The following SLC2A5 variants were observed in gnomAD, a reference collection of about 807,000 sequenced individuals.
SLC2A5 encodes the protein solute carrier family 2, facilitated glucose transporter member 5.
In SLC2A5, 56 loss-of-function variants were observed where a neutral mutation model predicts 50.3. The observed-to-expected ratio is 1.11, with a 90% CI of 0.90 to 1.39. The LOEUF (loss-of-function observed/expected upper bound fraction) is 1.39, where lower values mean the gene tolerates loss of function less well. SLC2A5 is among the 40% of genes most tolerant of loss of function. The pLI, the probability that SLC2A5 is intolerant of heterozygous loss-of-function variation, is 0.00. For missense variants in SLC2A5, 566 were observed against 650.1 expected (o/e 0.87, Z 1.41); for synonymous variants, 269 against 281.9 (o/e 0.95, Z 0.46).
In SLC2A5 at chr1:9,083,650, C is replaced by T. The variant is rs147758458; in HGVS notation, c.-59+1364G>A. Among the ~76,000 whole-genome samples the T allele has an allele frequency of 6.3e-4, 96 of 151,874 alleles. No individual in the cohort carries two copies. The East Asian group carries it at 0.015, about 23-fold the overall frequency. ...CCGGCCTGGCCAAAATGGTGAAACC[C>T]CATCTCTGCTAATAATACAAAAAAA... On this transcript the variant is annotated intron_variant, in intron 2 of 5. Transcript: ENST00000464985.
intron 1 of SLC2A5, among the ~76,000 whole-genome samples, chr1:9,058,879 T>G (rs1641829437): frequency 6.6e-6 from 1 of 152,188 alleles, no homozygotes; most frequent in South Asian, 2.1e-4. Context: ...TGGAAAGAGC[T>G]GCGGGCTTAA....
chr1:9,079,073 C>A (rs111643249), intron 2 of SLC2A5, among the ~76,000 whole-genome samples: 1 of 152,280 alleles, frequency 6.6e-6, no homozygotes, highest in South Asian at 2.1e-4. Flanking sequence ...AAAAGCCACA[C>A]CCCACCTTGG....
chr1:9,080,025 C>G (rs1378152334), intron 2 of SLC2A5, among the ~76,000 whole-genome samples: 1 of 152,198 alleles, frequency 6.6e-6, no homozygotes. Flanking sequence ...CGAATTTGGG[C>G]ACTCACAATA....
intron 3 of SLC2A5, among the ~76,000 whole-genome samples, chr1:9,048,810 C>A (rs932860452): frequency 2.0e-5 from 3 of 151,970 alleles, no homozygotes; most frequent in Non-Finnish European, 2.9e-5. Context: ...CACGTGCCCC[C>A]ACACCCAGCT....
upstream of SLC2A5, among the ~76,000 whole-genome samples, chr1:9,092,156 A>G (rs1228929426): frequency 2.6e-5 from 4 of 152,200 alleles, no homozygotes; most frequent in African/African-American, 9.7e-5. Context: ...TTAGGGAACA[A>G]TGAGGCTGAC....
intron 3 of SLC2A5, among the ~76,000 whole-genome samples, chr1:9,050,277 C>T (rs1399828981): frequency 7.2e-6 from 1 of 139,728 alleles, no homozygotes; most frequent in African/African-American, 2.7e-5. Flanking sequence ...GACTCTGTCT[C>T]AAAAAAAAAA....
Position 9,069,516 on chromosome 1 carries a change from G to C in SLC2A5, c.21C>G (p.Ser7Arg). MEQQDQSMKEGRLTLVL... is the reference protein window; with the variant it reads MEQQDQRMKEGRLTLVL... ...GCAACACACTCACCCCTTCCTTCAT[G>C]CTCTGATCCTGTTGCTCCATGCTTG... The change falls in exon 1 of 12, where the codon AGC (serine) becomes AGG (arginine). Residue 7 changes from serine (S) to arginine (R), a missense_variant. By Grantham distance (110) the Ser-to-Arg change is moderately radical (BLOSUM62 -1). Transcript: ENST00000377424. 6.2e-7 allele frequency: 1 copy of C among 1,614,008 alleles called. No individual in the cohort carries two copies. Among genetic ancestry groups the C allele is most frequent in the Non-Finnish European group, 8.5e-7 (1 of 1,180,004 alleles).
chr1:9,039,502 G>T, intron 8 of SLC2A5, 50 bp downstream of exon 8: 1 of 1,380,260 alleles, frequency 7.2e-7, no homozygotes, highest in Non-Finnish European at 9.9e-7. Flanking sequence ...TGGGGCGTGG[G>T]GCCCGAGGGG....
chr1:9,073,897 TG>T (rs1195495093), upstream of SLC2A5, among the ~76,000 whole-genome samples: 1 of 152,146 alleles, frequency 6.6e-6, no homozygotes, highest in African/African-American at 2.4e-5. Context: ...CTGGCCAACA[TG>T]GTGAAACCCG....
At chr1:9,055,185 A>G (rs757884655) in intron 3 of SLC2A5, among the ~76,000 whole-genome samples, 24 of 152,064 alleles carry the variant, frequency 1.6e-4, no homozygotes, top group Admixed American at 2.0e-4. Flanking sequence ...TGGGTAAGTT[A>G]CAGTGTCTCT....
chr1:9,043,333 T>C (rs1322751161), intron 4 of SLC2A5, among the ~76,000 whole-genome samples: 5 of 152,124 alleles, frequency 3.3e-5, no homozygotes, highest in Admixed American at 2.0e-4. Flanking sequence ...ATGTCTCTGC[T>C]CAGTATTTGA....
At chr1:9,085,572 G>A (rs941879744) in intron 1 of SLC2A5, among the ~76,000 whole-genome samples, 2 of 152,320 alleles carry the variant, frequency 1.3e-5, no homozygotes, top group African/African-American at 4.8e-5. Context: ...CAGCCTTAAA[G>A]TCTGTGTCAC....
At chr1:9,051,049 A>G (rs879416689) in intron 3 of SLC2A5, among the ~76,000 whole-genome samples, 6 of 152,184 alleles carry the variant, frequency 3.9e-5, no homozygotes, top group Non-Finnish European at 7.3e-5. Flanking sequence ...TCAATTCACA[A>G]AGAACAAGCT....
chr1:9,040,106 A>G lies in SLC2A5; in HGVS notation c.655T>C (p.Tyr219His). 16 of 1,602,264 alleles carry G rather than the reference A, an allele frequency of 1.0e-5. No individual in the cohort carries two copies. Among genetic ancestry groups the G allele is most frequent in the Non-Finnish European group, 1.4e-5 (16 of 1,174,256 alleles). The change falls in exon 6 of 12, where the codon TAC becomes CAC. Residue 219 changes from tyrosine (Y) to histidine (H), a missense_variant. Coordinates refer to ENST00000377424, the MANE Select transcript of SLC2A5 (RefSeq NM_003039.3). The surrounding 1 kb of genome is among the most constrained non-coding windows in gnomAD (Gnocchi z 4.3). ...TCGTCTTTCTTCTGAATCAGCAGGT[A>G]CCTGGGGCTCTCGGGGAAGAAGGGC... ...LLPFFPESPR[Y>H]LLIQKKDEAA...
chr1:9,042,575 T>A (rs201795303), intron 4 of SLC2A5, among the ~76,000 whole-genome samples: 3 of 37,916 alleles, frequency 7.9e-5, no homozygotes, highest in Non-Finnish European at 1.3e-4. Flanking sequence ...TGTGTGTACA[T>A]ATATATATAT....
At position 9,039,926 on chromosome 1, in the gene SLC2A5, C is replaced by G; in HGVS notation, c.759G>C (p.Glu253Asp). The change falls in exon 7 of 12, where the codon GAG (glutamate) becomes GAC (aspartate). Residue 253 changes from glutamate to aspartate, a missense_variant. Glu to Asp is a conservative substitution (Grantham distance 45). Transcript: ENST00000377424. ...AGCCCGCGGCCTTCTCTGCCTCATC[C>G]TCCTGCCGGATCTCGGCCACCTCCC... ...VDREVAEIRQ[E>D]DEAEKAAGFI... is the part of the protein sequence containing the mutation. The G allele has an allele frequency of 6.2e-7, 1 of 1,613,046 alleles. No individual in the cohort carries two copies. The highest frequency in any genetic ancestry group is 1.7e-4 in the Middle Eastern group (1 of 6,060).
At chr1:9,071,073 G>A (rs554830499), upstream of SLC2A5, among the ~76,000 whole-genome samples, 2 of 152,230 alleles carry the variant, frequency 1.3e-5, no homozygotes, top group South Asian at 2.1e-4. Flanking sequence ...GGAAATCAAC[G>A]ATGGGGGAGT....
intron 7 of SLC2A5, 47 bp downstream of exon 7, chr1:9,039,753 C>T: frequency 1.4e-6 from 2 of 1,435,298 alleles, no homozygotes; most frequent in Non-Finnish European, 1.8e-6. Context: ...CTGCGCCCCG[C>T]GCCCCCCGAG....
intron 4 of SLC2A5, among the ~76,000 whole-genome samples, chr1:9,046,088 G>A (rs1641427292): frequency 6.6e-6 from 1 of 152,110 alleles, no homozygotes; most frequent in Admixed American, 6.6e-5. Context: ...TTATCCATTT[G>A]TCCCTATCCC....
Sources: allele counts gnomAD v4.1 joint callset (sites outside exome capture counted in the v4.1 genomes callset), GRCh38; gene constraint gnomAD v4.1.1; non-coding constraint Gnocchi (gnomAD v3.1); transcripts MANE v1.5; gene names NCBI Gene and HGNC (gene_info 2026-07-23, HGNC 2026-07-21).